FRAS1: variants seen among roughly 807,000 people sequenced by gnomAD.
FRAS1 encodes the protein extracellular matrix organizing protein FRAS1.
A neutral mutation model predicts 435.2 loss-of-function variants in FRAS1; 290 were observed. That is an observed-to-expected ratio of 0.67 (90% CI 0.61 to 0.73). The LOEUF (loss-of-function observed/expected upper bound fraction) is 0.73. FRAS1 is among the 30% of genes least tolerant of loss of function. FRAS1 has a pLI of 0.00. For synonymous variants in FRAS1, 1,800 were observed against 1,851.0 expected (o/e 0.97, Z 0.71); for missense variants, 4,860 against 5,001.5 (o/e 0.97, Z 0.85).
intron 65 of FRAS1, among the ~76,000 whole-genome samples, chr4:78,515,489 C>T (rs916667193): frequency 2.6e-5 from 4 of 152,146 alleles, no homozygotes; most frequent in Non-Finnish European, 5.9e-5. Context: ...ACAGGCAAAG[C>T]TTCAGAGAGT....
intron 14 of FRAS1, among the ~76,000 whole-genome samples, chr4:78,295,708 A>T (rs894595689): frequency 2.7e-5 from 4 of 147,450 alleles, no homozygotes; most frequent in Non-Finnish European, 4.5e-5. Context: ...TTGTATGTAT[A>T]TTCTCTTATT....
Position 78,318,977 on chromosome 4 carries a change from A to G in FRAS1, c.2128A>G (p.Ile710Val), listed in dbSNP as rs345512. The G allele has an allele frequency of 6.2e-7, 1 of 1,613,828 alleles. No homozygotes were observed. The highest frequency in any genetic ancestry group is 8.5e-7 in the Non-Finnish European group (1 of 1,179,820). The change falls in exon 18 of 74, where the codon ATA becomes GTA. Residue 710 changes from isoleucine to valine, a missense_variant. By Grantham distance (29) the Ile-to-Val change is conservative. Transcript: ENST00000512123. Reference protein sequence around the residue: ...RAHFYLESTGICEACHQSCFR... With the variant: ...RAHFYLESTGVCEACHQSCFR... ...CCATTTTTACTTGGAGAGCACTGGC[A>G]TATGTGAAGGTAAGCATGATTTGAG...
At chr4:78,210,044 A>T (rs1723437959) in intron 2 of FRAS1, among the ~76,000 whole-genome samples, 1 of 152,080 alleles carries the variant, frequency 6.6e-6, no homozygotes, top group Non-Finnish European at 1.5e-5. Flanking sequence ...TACCTGCCTC[A>T]TCTCTTGCTA....
intron 2 of FRAS1, among the ~76,000 whole-genome samples, chr4:78,122,311 CT>C (rs1408726965): frequency 2.0e-5 from 3 of 152,176 alleles, no homozygotes; most frequent in African/African-American, 7.2e-5. Context: ...TTAACTCATC[CT>C]TTTTTATGGC....
At chr4:78,175,362 A>G (rs1372821423) in intron 2 of FRAS1, among the ~76,000 whole-genome samples, 2 of 152,130 alleles carry the variant, frequency 1.3e-5, no homozygotes, top group East Asian at 1.9e-4. Context: ...GGGTGGCAAC[A>G]TCTCCCATCT....
At chr4:78,484,764 A>T (rs1237965183) in intron 58 of FRAS1, among the ~76,000 whole-genome samples, 1 of 152,262 alleles carries the variant, frequency 6.6e-6, no homozygotes, top group South Asian at 2.1e-4. Flanking sequence ...GTTTCTATTT[A>T]GTGGATAAGG....
chr4:78,377,946 C>A (rs773873394), intron 26 of FRAS1, among the ~76,000 whole-genome samples: 19 of 151,730 alleles, frequency 1.3e-4, no homozygotes, highest in Non-Finnish European at 2.6e-4. Context: ...CCATAAAATT[C>A]ATGCTTTAAA....
At chr4:78,256,665 A>G (rs1234966691) in intron 6 of FRAS1, among the ~76,000 whole-genome samples, 1 of 152,226 alleles carries the variant, frequency 6.6e-6, no homozygotes, top group Non-Finnish European at 1.5e-5. Flanking sequence ...TTCATGCACA[A>G]TATTCACTTA....
chr4:78,463,931 A>G (rs1244868029), intron 47 of FRAS1, 90 bp from the exon 48 acceptor site: 2 of 1,374,468 alleles, frequency 1.5e-6, no homozygotes, highest in Non-Finnish European at 2.0e-6. Context: ...AGGACTCTCT[A>G]TCTGGTGAGA....
chr4:78,386,806 T>G (rs750298453), intron 28 of FRAS1, among the ~76,000 whole-genome samples: 1 of 152,168 alleles, frequency 6.6e-6, no homozygotes, highest in Non-Finnish European at 1.5e-5. Context: ...TATATTAGCC[T>G]TGTCACATGA....
At chr4:78,335,843 T>A (rs1730148617) in intron 19 of FRAS1, among the ~76,000 whole-genome samples, 1 of 152,124 alleles carries the variant, frequency 6.6e-6, no homozygotes, top group African/African-American at 2.4e-5. Context: ...AGTACAGAAT[T>A]TTGTTGGAAT....
rs1365997315 is a variant in FRAS1, at chr4:78,105,940, C to T, written c.108+39924C>T. ...GCAAGGCATTGCCCCACTTGGGAAG[C>T]GCAAGGGGTCAGGGAGTTCCCTTTC... On this transcript the variant is annotated intron_variant, in intron 2 of 73. Coordinates refer to ENST00000512123, the MANE Select transcript of FRAS1 (RefSeq NM_025074.7). 1.6e-4 allele frequency among the ~76,000 whole-genome samples: 21 copies of T among 135,482 alleles called. 7 individuals are homozygous for T. Among genetic ancestry groups the T allele is most frequent in the East Asian group, 6.0e-4 (3 of 4,966 alleles). The allele number at this position is 135,482 out of a possible 152,430, so 88.9% of individuals were successfully genotyped here.
At chr4:78,318,680 G>A (rs1028669458) in intron 17 of FRAS1, 130 bp from the exon 18 acceptor site, 5 of 874,030 alleles carry the variant, frequency 5.7e-6, no homozygotes, top group African/African-American at 5.1e-5. Flanking sequence ...GCTTTGTATA[G>A]AACATTAGAA....
intron 2 of FRAS1, among the ~76,000 whole-genome samples, chr4:78,195,472 C>T (rs369761565): frequency 4.6e-5 from 7 of 152,240 alleles, no homozygotes; most frequent in South Asian, 2.1e-4. Flanking sequence ...TGGGCAATGG[C>T]GGGCGCCCCT....
chr4:78,509,513 C>T (rs1378841804), intron 63 of FRAS1, among the ~76,000 whole-genome samples: 1 of 152,168 alleles, frequency 6.6e-6, no homozygotes, highest in Non-Finnish European at 1.5e-5. Flanking sequence ...ATGGCCAGGA[C>T]ATCGATGGCA....
intron 30 of FRAS1, among the ~76,000 whole-genome samples, chr4:78,405,226 G>A (rs1733053884): frequency 6.6e-6 from 1 of 152,142 alleles, no homozygotes; most frequent in African/African-American, 2.4e-5. Context: ...CATAAAAGCA[G>A]AATAACTAGG....
chr4:78,536,022 C>G (rs1031336064), intron 71 of FRAS1, among the ~76,000 whole-genome samples: 1 of 152,042 alleles, frequency 6.6e-6, no homozygotes, highest in South Asian at 2.1e-4. Flanking sequence ...GCTGTGGAAC[C>G]TTGGATAAGT....
intron 5 of FRAS1, among the ~76,000 whole-genome samples, chr4:78,254,600 A>G (rs1274214418): frequency 6.6e-6 from 1 of 152,164 alleles, no homozygotes; most frequent in Non-Finnish European, 1.5e-5. Context: ...TTCTTTCTTA[A>G]GTCCTAAGAG....
intron 34 of FRAS1, among the ~76,000 whole-genome samples, chr4:78,423,710 G>C (rs1179852165): frequency 6.6e-6 from 1 of 152,078 alleles, no homozygotes; most frequent in Non-Finnish European, 1.5e-5. Context: ...TCTAACGGTG[G>C]GTATAGGCTT....
Sources: gnomAD v4.1 joint callset for allele counts (sites outside exome capture counted in the v4.1 genomes callset) on GRCh38, gnomAD v4.1.1 for gene constraint, MANE v1.5 for transcripts, NCBI Gene and HGNC (gene_info 2026-07-23, HGNC 2026-07-21) for gene names.